The following GAS6 variants were observed in gnomAD, a reference collection of about 807,000 sequenced individuals.
The protein encoded by GAS6 is growth arrest specific 6.
Under a neutral mutation model 75.8 loss-of-function variants are expected in GAS6, and 41 were observed. The ratio of observed to expected loss-of-function variants is 0.54; its 90% CI spans 0.42 to 0.70. The LOEUF is 0.70. Ranked by LOEUF, GAS6 falls within the 30% of genes least tolerant of loss-of-function variation. The pLI, the probability that GAS6 is intolerant of heterozygous loss-of-function variation, is 0.00. For synonymous variants in GAS6, 432 were observed against 412.6 expected (o/e 1.05, Z -0.57); for missense variants, 854 against 940.2 (o/e 0.91, Z 1.20).
intron 12 of GAS6, among the ~76,000 whole-genome samples, chr13:113,824,236 G>A (rs111333380): frequency 1.5e-5 from 2 of 131,218 alleles, no homozygotes; most frequent in Non-Finnish European, 3.2e-5. Context: ...GCGGTCTGGG[G>A]TCTGAGCTGT....
chr13:113,823,340 G>C (rs1202880840), intron 13 of GAS6, 35 bp downstream of exon 13: 1 of 1,578,754 alleles, frequency 6.3e-7, no homozygotes, highest in Non-Finnish European at 8.6e-7. Flanking sequence ...CGTGGGTCGA[G>C]CCGGTCAGGA....
chr13:113,832,597 T>G (rs749092015), intron 9 of GAS6, 37 bp downstream of exon 9: 3 of 1,611,686 alleles, frequency 1.9e-6, no homozygotes, highest in Non-Finnish European at 2.5e-6. Context: ...GTCTTGGCCA[T>G]TCTAAGTTGT....
At position 113,832,507 on chromosome 13, in the gene GAS6, A is replaced by C. The variant is rs757506592; in HGVS notation, c.954-19T>G. The C allele has an allele frequency of 4.8e-5, 76 of 1,594,106 alleles. 1 individual carries two copies. The South Asian group carries it at 8.5e-4, about 18-fold the overall frequency. On this transcript the variant is annotated intron_variant, in intron 9 of 14. Coordinates refer to ENST00000327773, the MANE Select transcript of GAS6 (RefSeq NM_000820.4). ...TACCAGCCTGGGCACCCACAGGAGA[A>C]ATGAGTCAGCACTGGGCACAGGCAG...
At chr13:113,838,027 G>A in intron 6 of GAS6, 42 bp downstream of exon 6, 1 of 1,606,044 alleles carries the variant, frequency 6.2e-7, no homozygotes. Context: ...AATAGAAGGT[G>A]GGGAGAGGAG....
intron 11 of GAS6, among the ~76,000 whole-genome samples, chr13:113,827,653 GT>G (rs2051568399): frequency 6.6e-6 from 1 of 151,868 alleles, no homozygotes; most frequent in Non-Finnish European, 1.5e-5. Flanking sequence ...TGGGGAGCAG[GT>G]GCCCCTCACA....
intron 2 of GAS6, among the ~76,000 whole-genome samples, chr13:113,857,803 G>A (rs757358515): frequency 2.6e-5 from 4 of 152,246 alleles, no homozygotes; most frequent in South Asian, 4.1e-4. Context: ...TCTCCGGCTC[G>A]GGTGAGGGTG....
chr13:113,859,295 T>C (rs1011840863), intron 2 of GAS6, among the ~76,000 whole-genome samples: 1 of 151,960 alleles, frequency 6.6e-6, no homozygotes, highest in Non-Finnish European at 1.5e-5. Flanking sequence ...AATGTGTGCA[T>C]GTATGTGTAC....
At chr13:113,841,635 C>G (rs1278827104) in intron 4 of GAS6, 1 of 161,826 alleles carries the variant, frequency 6.2e-6, no homozygotes, top group Non-Finnish European at 1.3e-5. Context: ...CCCACAGTTT[C>G]CTCCATATGC....
chr13:113,847,568 C>T (rs1408398252), intron 3 of GAS6: 1 of 187,838 alleles, frequency 5.3e-6, no homozygotes, highest in Non-Finnish European at 1.1e-5. Flanking sequence ...GAGATAACGT[C>T]TGGCATTCCC....
rs768102646 is a variant in GAS6, at chr13:113,832,498, C to G, written c.954-10G>C. On this transcript the variant is annotated splice_polypyrimidine_tract_variant and intron_variant, in intron 9 of 14. Coordinates refer to ENST00000327773, the MANE Select transcript of GAS6 (RefSeq NM_000820.4). ...AAACTCAGCTACCAGCCTGGGCACC[C>G]ACAGGAGAAATGAGTCAGCACTGGG... 6.3e-7 allele frequency: 1 copy of G among 1,595,284 alleles called. No individual in the cohort carries two copies. The highest frequency in any genetic ancestry group is 8.6e-7 in the Non-Finnish European group (1 of 1,168,818).
intron 13 of GAS6, 109 bp downstream of exon 13, chr13:113,823,266 G>T: frequency 8.1e-7 from 1 of 1,241,480 alleles, no homozygotes; most frequent in Non-Finnish European, 1.1e-6. Context: ...GAGGCTTTGG[G>T]GGTCCCTGGG....
chr13:113,859,148 G>T (rs987638304), intron 2 of GAS6, among the ~76,000 whole-genome samples: 1 of 151,822 alleles, frequency 6.6e-6, no homozygotes, highest in Non-Finnish European at 1.5e-5. Context: ...ATGTGAATGT[G>T]TGCATGTATG....
At chr13:113,860,051 G>A (rs2051958178) in intron 2 of GAS6, among the ~76,000 whole-genome samples, 1 of 152,240 alleles carries the variant, frequency 6.6e-6, no homozygotes, top group South Asian at 2.1e-4. Flanking sequence ...AGTTCAGGAT[G>A]AGCCAGCAAG....
chr13:113,834,349 T>A (rs370165658), intron 8 of GAS6, among the ~76,000 whole-genome samples: 3 of 151,912 alleles, frequency 2.0e-5, no homozygotes, highest in African/African-American at 7.3e-5. Context: ...GAGCTGGGAG[T>A]TGCCATAGAG....
chr13:113,823,572 A>T, intron 12 of GAS6, 22 bp from the exon 13 acceptor site: 1 of 1,596,440 alleles, frequency 6.3e-7, no homozygotes, highest in Non-Finnish European at 8.6e-7. Context: ...GCGGTGCATT[A>T]TAGGGTGGTA....
chr13:113,821,693 C>T (rs1305876477), intron 14 of GAS6: 2 of 495,130 alleles, frequency 4.0e-6, no homozygotes, highest in African/African-American at 3.9e-5. Context: ...ACGAATGCTC[C>T]CTGAAGATGC....
At chr13:113,858,544 C>CAT (rs10625867) in intron 2 of GAS6, among the ~76,000 whole-genome samples, 61,729 of 140,044 alleles carry the variant, frequency 0.44, 16,172 homozygotes, top group African/African-American at 0.73. Flanking sequence ...TGTCTGTGTA[C>CAT]GTCTGCTAGT....
At chr13:113,858,353 CTA>C (rs1419362751) in intron 2 of GAS6, among the ~76,000 whole-genome samples, 4 of 151,972 alleles carry the variant, frequency 2.6e-5, no homozygotes, top group Admixed American at 1.3e-4. Flanking sequence ...GTACGTATGT[CTA>C]TGTGAATGTG....
At position 113,863,176 on chromosome 13, in the gene GAS6, G is replaced by A. The variant is rs1230021092; in HGVS notation, c.255+399C>T. Among the ~76,000 whole-genome samples the A allele has an allele frequency of 2.6e-5, 4 of 152,202 alleles. No individual in the cohort carries two copies. The highest frequency in any genetic ancestry group is 4.4e-5 in the Non-Finnish European group (3 of 68,030). ...CCTCGGCCCTTTCAATTCCTCTTTC[G>A]GGAGGGGACTGCTCTCCACCCCTCT... On this transcript the variant is annotated intron_variant, in intron 2 of 14. Transcript: ENST00000327773. The surrounding 1 kb of genome is among the most constrained non-coding windows in gnomAD (Gnocchi z 9.4).
Sources: gnomAD v4.1 joint callset for allele counts (sites outside exome capture counted in the v4.1 genomes callset) on GRCh38, gnomAD v4.1.1 for gene constraint, Gnocchi (gnomAD v3.1) non-coding constraint, MANE v1.5 for transcripts, NCBI Gene and HGNC (gene_info 2026-07-23, HGNC 2026-07-21) for gene names.